Variants in B4GALT5 observed in about 807,000 individuals in gnomAD.
B4GALT5 encodes UDP-Gal:beta-GlcNAc beta-1,4-galactosyltransferase 5.
In B4GALT5, 11 loss-of-function variants were observed where a neutral mutation model predicts 45.0. The observed-to-expected ratio is 0.24, with a 90% CI of 0.15 to 0.40. The LOEUF (loss-of-function observed/expected upper bound fraction) is 0.40, where lower values mean the gene tolerates loss of function less well. B4GALT5 is among the 10% of genes least tolerant of loss of function. The probability of loss-of-function intolerance (pLI) is 1.00; values close to 1 mark genes in which losing one functional copy is unlikely to be tolerated. For synonymous variants in B4GALT5, 185 were observed against 182.9 expected (o/e 1.01, Z -0.09); for missense variants, 337 against 500.2 (o/e 0.67, Z 3.11).
intron 1 of B4GALT5, among the ~76,000 whole-genome samples, chr20:49,704,033 T>G (rs1378874983): frequency 6.6e-6 from 1 of 152,252 alleles, no homozygotes; most frequent in African/African-American, 2.4e-5. Context: ...ATTTTTTTCC[T>G]TTTTCAATTA....
chr20:49,670,553 T>C (rs1275542866), intron 1 of B4GALT5, among the ~76,000 whole-genome samples: 25 of 152,204 alleles, frequency 1.6e-4, no homozygotes. Flanking sequence ...TCATGGTGTC[T>C]GACTGAGTGA....
chr20:49,695,691 G>A (rs192273179), intron 1 of B4GALT5, among the ~76,000 whole-genome samples: 221 of 152,328 alleles, frequency 1.5e-3, no homozygotes, highest in African/African-American at 5.1e-3. Context: ...GTGAGCCACC[G>A]GGCCCGGCCA....
At chr20:49,650,714 T>C (rs904640351) in intron 2 of B4GALT5, among the ~76,000 whole-genome samples, 45 of 152,264 alleles carry the variant, frequency 3.0e-4, no homozygotes, top group Non-Finnish European at 4.4e-5. Context: ...AGGAAATTAA[T>C]TGCTCACGAC....
In B4GALT5 at chr20:49,698,050, G is replaced by A. The variant is rs146087659; in HGVS notation, c.115+15526C>T. ...TGTTTGGAAATTTCCAGCCGGGCGC[G>A]GTGGCTCATGCCTATAATCCCAGCT... On this transcript the variant is annotated intron_variant, in intron 1 of 8. Coordinates refer to ENST00000371711, the MANE Select transcript of B4GALT5 (RefSeq NM_004776.4). Among the ~76,000 whole-genome samples the A allele has an allele frequency of 1.4e-3, 217 of 152,234 alleles. 1 individual carries two copies. The highest frequency in any genetic ancestry group is 5.6e-3 in the South Asian group (27 of 4,824).
chr20:49,642,292 C>T (rs2085580425), intron 5 of B4GALT5, among the ~76,000 whole-genome samples, 176 bp downstream of exon 5: 1 of 152,198 alleles, frequency 6.6e-6, no homozygotes. Context: ...TACTGGGCAA[C>T]AGACATCTCA....
chr20:49,669,557 ATGG>A (rs1488934601), intron 1 of B4GALT5, among the ~76,000 whole-genome samples: 5 of 152,032 alleles, frequency 3.3e-5, no homozygotes, highest in African/African-American at 1.2e-4. Context: ...TCAGCCGAGC[ATGG>A]TGGTGCATGC....
At chr20:49,647,125 A>G (rs1568717021) in intron 2 of B4GALT5, 47 bp from the exon 3 acceptor site, 1 of 1,203,646 alleles carries the variant, frequency 8.3e-7, no homozygotes, top group Admixed American at 1.9e-5. Context: ...ATGTGTGATC[A>G]ACCGTGCAAT....
Position 49,636,425 on chromosome 20 carries a change from C to T in B4GALT5, c.1054G>A (p.Gly352Arg). 1.2e-6 allele frequency: 2 copies of T among 1,614,166 alleles called. No homozygotes were observed. Among genetic ancestry groups the T allele is most frequent in the Admixed American group, 3.3e-5 (2 of 60,018 alleles). ...ALLRKSKERQ[G>R]LDGLNNLNYF... ...TTCAGGTTGTTGAGGCCATCCAGCC[C>T]TTGCCGTTCTTTTGACTTCCTCAGC... Residue 352 changes from glycine (G) to arginine (R), a missense_variant, in exon 9 of 9, where the codon GGG (glycine) becomes AGG (arginine). Around this residue, in one of 2 missense-constraint regions of B4GALT5, gnomAD observed 163 missense variants for 292.8 expected, o/e 0.56. Transcript: ENST00000371711.
At chr20:49,687,441 C>G (rs897938336) in intron 1 of B4GALT5, among the ~76,000 whole-genome samples, 1 of 152,074 alleles carries the variant, frequency 6.6e-6, no homozygotes, top group African/African-American at 2.4e-5. Flanking sequence ...GTCAGTAGTT[C>G]GAGACCAGCC....
intron 1 of B4GALT5, among the ~76,000 whole-genome samples, chr20:49,713,276 G>A (rs973127663): frequency 1.3e-5 from 2 of 151,712 alleles, no homozygotes; most frequent in African/African-American, 4.8e-5. Flanking sequence ...CGAGGCAAGA[G>A]CGGGAAGGGG....
At chr20:49,640,713 T>C (rs2085573466) in intron 5 of B4GALT5, 48 bp from the exon 6 acceptor site, 17 of 1,522,680 alleles carry the variant, frequency 1.1e-5, no homozygotes, top group Non-Finnish European at 1.5e-5. Context: ...AAGGAAAATC[T>C]TTGCTGTCTT....
At chr20:49,683,085 G>C (rs2085770645) in intron 1 of B4GALT5, among the ~76,000 whole-genome samples, 1 of 138,334 alleles carries the variant, frequency 7.2e-6, no homozygotes, top group Non-Finnish European at 1.6e-5. Context: ...CAGAGTGGGA[G>C]ACCCTGTTTC....
intron 1 of B4GALT5, among the ~76,000 whole-genome samples, chr20:49,701,565 C>A (rs1386798590): frequency 2.6e-5 from 4 of 152,138 alleles, no homozygotes; most frequent in Non-Finnish European, 5.9e-5. Context: ...CACCTGCCAC[C>A]CTGTGCCTGT....
intron 2 of B4GALT5, among the ~76,000 whole-genome samples, chr20:49,650,490 A>C (rs573486132): frequency 1.4e-3 from 210 of 148,320 alleles, no homozygotes; most frequent in African/African-American, 5.0e-3. Context: ...CACAAAAATT[A>C]GCCGGGCATG....
chr20:49,637,674 C>G (rs1305248925), intron 7 of B4GALT5, among the ~76,000 whole-genome samples: 2 of 151,934 alleles, frequency 1.3e-5, no homozygotes, highest in African/African-American at 2.4e-5. Context: ...TGGCTCGTGC[C>G]TGTAATCCCA....
At chr20:49,645,577 C>T (rs943475192) in intron 3 of B4GALT5, among the ~76,000 whole-genome samples, 2 of 151,920 alleles carry the variant, frequency 1.3e-5, no homozygotes, top group Admixed American at 1.3e-4. Flanking sequence ...GGTGAATTCC[C>T]ATCTCTACTA....
intron 1 of B4GALT5, among the ~76,000 whole-genome samples, chr20:49,682,280 A>C (rs1366905935): frequency 3.3e-5 from 5 of 152,182 alleles, no homozygotes; most frequent in Non-Finnish European, 7.3e-5. Flanking sequence ...TGCACTGCCT[A>C]CTACTGCTTC....
intron 1 of B4GALT5, among the ~76,000 whole-genome samples, chr20:49,674,400 C>T (rs79133682): frequency 2.0e-5 from 3 of 151,848 alleles, no homozygotes; most frequent in Non-Finnish European, 1.5e-5. Flanking sequence ...TAAAGCACTG[C>T]GGGGTTTTTC....
At chr20:49,645,615 G>A (rs1344804769) in intron 3 of B4GALT5, among the ~76,000 whole-genome samples, 4 of 152,014 alleles carry the variant, frequency 2.6e-5, no homozygotes, top group Non-Finnish European at 2.9e-5. Context: ...CAGGCGTGGT[G>A]GCAGATGCCT....
Sources: allele counts gnomAD v4.1 joint callset (sites outside exome capture counted in the v4.1 genomes callset), GRCh38; gene constraint gnomAD v4.1.1; regional missense constraint gnomAD v4.1.1; transcripts MANE v1.5; gene names NCBI Gene and HGNC (gene_info 2026-07-23, HGNC 2026-07-21).